SPATA22: variants seen among roughly 807,000 people sequenced by gnomAD.
SPATA22 encodes spermatogenesis associated 22.
Under a neutral mutation model 47.8 loss-of-function variants are expected in SPATA22, and 29 were observed. The ratio of observed to expected loss-of-function variants is 0.61; its 90% CI spans 0.45 to 0.83. The LOEUF is 0.83. SPATA22 is among the 40% of genes least tolerant of loss of function. The probability of loss-of-function intolerance (pLI) is 0.00; values close to 1 mark genes in which losing one functional copy is unlikely to be tolerated. For missense variants in SPATA22, 410 were observed against 421.7 expected, an observed-to-expected ratio of 0.97 and a Z score of 0.24; for synonymous variants, 133 against 140.9, an observed-to-expected ratio of 0.94 and a Z score of 0.40.
chr17:3,505,755 TG>T (rs1245538315), intron 1 of SPATA22, among the ~76,000 whole-genome samples: 23 of 25,156 alleles, frequency 9.1e-4, no homozygotes, highest in Admixed American at 5.4e-3. Flanking sequence ...TGTTGTTTTT[TG>T]TTTTTTTTTT....
Position 3,490,881 on chromosome 17 carries a change from T to C in SPATA22, c.-73-21483A>G, listed in dbSNP as rs2073813140. Among the ~76,000 whole-genome samples the C allele has an allele frequency of 6.6e-6, 1 of 152,184 alleles. No individual in the cohort carries two copies. The highest frequency in any genetic ancestry group is 1.5e-5 in the Non-Finnish European group (1 of 68,022). On this transcript the variant is annotated intron_variant, in intron 1 of 8. Coordinates refer to the SPATA22 transcript ENST00000541913. The surrounding 1 kb of genome is among the most constrained non-coding windows in gnomAD (Gnocchi z 4.6). Reference sequence around the variant, plus strand: ...CCACCCCTTAACCCCTTATCTCTGCTTCAACCAGAGCTCTTCTGTGTAACA... The same window carrying C: ...CCACCCCTTAACCCCTTATCTCTGCCTCAACCAGAGCTCTTCTGTGTAACA...
chr17:3,445,495 C>A (rs1237555552), intron 7 of SPATA22, among the ~76,000 whole-genome samples: 1 of 152,134 alleles, frequency 6.6e-6, no homozygotes, highest in Non-Finnish European at 1.5e-5. Context: ...TTGATTTTAG[C>A]ACTGTGATAC....
intron 1 of SPATA22, among the ~76,000 whole-genome samples, chr17:3,487,737 T>C (rs1015639299): frequency 1.3e-5 from 2 of 152,224 alleles, no homozygotes; most frequent in Admixed American, 6.5e-5. Flanking sequence ...ACTTAAACTA[T>C]TCAACATTTA....
At chr17:3,510,776 T>G (rs530906089) in intron 1 of SPATA22, 1 of 152,300 alleles carries the variant, frequency 6.6e-6, no homozygotes, top group African/African-American at 2.4e-5. Context: ...TGACGGCCCA[T>G]CTACCTGGGC....
Position 3,440,302 on chromosome 17 carries a change from G to A in SPATA22, c.937C>T (p.His313Tyr). 6.3e-7 allele frequency: 1 copy of A among 1,598,580 alleles called. No homozygotes were observed. The highest frequency in any genetic ancestry group is 1.7e-5 in the Admixed American group (1 of 58,262). The change falls in exon 9 of 9, where the codon CAT becomes TAT. Residue 313 changes from histidine to tyrosine, a missense_variant. Transcript: ENST00000572969. Reference protein sequence around the residue: ...ELPRLIRGRVHRCVGNYDQKK... With the variant: ...ELPRLIRGRVYRCVGNYDQKK... Reference sequence around the variant, plus strand: ...TGGTCATAGTTGCCAACACATCTATGAACTCGGCCTCTAATCAGTCTCGGA... The same window carrying A: ...TGGTCATAGTTGCCAACACATCTATAAACTCGGCCTCTAATCAGTCTCGGA...
chr17:3,440,434 T>A (rs745569357), intron 8 of SPATA22, 96 bp from the exon 9 acceptor site: 33 of 1,027,190 alleles, frequency 3.2e-5, no homozygotes, highest in Non-Finnish European at 4.4e-5. Flanking sequence ...ATGTGCCACC[T>A]CAAAATGCTA....
chr17:3,462,034 C>T (rs1003817394), intron 5 of SPATA22, among the ~76,000 whole-genome samples: 1 of 152,186 alleles, frequency 6.6e-6, no homozygotes, highest in African/African-American at 2.4e-5. Flanking sequence ...ATATGCATCA[C>T]AGCCTCCATT....
At chr17:3,471,618 G>C (rs1597416723) in intron 1 of SPATA22, 64 bp downstream of exon 1, 2 of 985,510 alleles carry the variant, frequency 2.0e-6, no homozygotes. Context: ...TCCGAGTTGA[G>C]ACGCTCTTCC....
intron 7 of SPATA22, among the ~76,000 whole-genome samples, chr17:3,443,676 A>G (rs2072647863): frequency 6.6e-6 from 1 of 152,028 alleles, no homozygotes; most frequent in South Asian, 2.1e-4. Context: ...GGAGACATGC[A>G]TTCAGGTCCC....
In SPATA22 at chr17:3,449,052, T is replaced by G; in HGVS notation, c.427A>C (p.Lys143Gln). ...CCCGAACTCACTGGACAAGAATTTT[T>G]TCCATCATTTGCCACTAAGTTTGTT... ...KRTNLVANDG[K>Q]NSCPVSSGAQ... Residue 143 changes from lysine to glutamine, a missense_variant, in exon 6 of 9, where the codon AAA becomes CAA. By Grantham distance (53) the Lys-to-Gln change is moderately conservative. Transcript: ENST00000572969. 1 of 1,614,030 alleles carries G rather than the reference T, an allele frequency of 6.2e-7. No individual in the cohort carries two copies. The highest frequency in any genetic ancestry group is 1.7e-4 in the Middle Eastern group (1 of 6,060).
chr17:3,452,390 G>A (rs572328637), intron 5 of SPATA22, among the ~76,000 whole-genome samples: 2 of 151,438 alleles, frequency 1.3e-5, no homozygotes, highest in African/African-American at 2.4e-5. Context: ...CCAAGAGATC[G>A]AGACCATCCT....
At chr17:3,443,481 G>C (rs1254054529) in intron 7 of SPATA22, among the ~76,000 whole-genome samples, 2 of 151,864 alleles carry the variant, frequency 1.3e-5, no homozygotes, top group African/African-American at 4.8e-5. Context: ...TCCAACTTAG[G>C]AACAGATTAT....
At position 3,467,417 on chromosome 17, in the gene SPATA22, T is replaced by C. The variant is rs1370771332; in HGVS notation, c.172+9A>G. ...TTCCTGAAAATTTTTACCTTATTAA[T>C]TTTCTTACCTGTAGGTAGAGGAGGA... On this transcript the variant is annotated intron_variant, in intron 3 of 8. Transcript: ENST00000572969. 1 of 1,574,428 alleles carries C rather than the reference T, an allele frequency of 6.4e-7. No individual in the cohort carries two copies. The highest frequency in any genetic ancestry group is 1.9e-5 in the Admixed American group (1 of 52,462).
At chr17:3,458,732 T>G (rs955448984) in intron 5 of SPATA22, among the ~76,000 whole-genome samples, 29 of 151,490 alleles carry the variant, frequency 1.9e-4, no homozygotes, top group Admixed American at 1.9e-3. Flanking sequence ...TCCCAGTTAC[T>G]CGAGAGGCTG....
chr17:3,504,848 C>T (rs34755393), intron 1 of SPATA22, among the ~76,000 whole-genome samples: 137,250 of 152,104 alleles, frequency 0.9, 62,792 homozygotes, highest in Non-Finnish European at 0.98. Flanking sequence ...CAGGAGCCGC[C>T]GCACCAGGCT....
At chr17:3,496,811 A>C (rs1404559539) in intron 1 of SPATA22, among the ~76,000 whole-genome samples, 1 of 152,222 alleles carries the variant, frequency 6.6e-6, no homozygotes, top group East Asian at 1.9e-4. Context: ...TCACGCCTGT[A>C]ATCCCAGCGC....
chr17:3,471,695 T>G lies in SPATA22; in HGVS notation c.-87A>C, dbSNP rs2073440568. 1.0e-6 allele frequency: 1 copy of G among 985,410 alleles called. No homozygotes were observed. The allele number at this position is 985,410 out of a possible 1,614,324, so 61.0% of individuals were successfully genotyped here. ...GTATCAACGCACAGTCTTTCCCTTCTAGGCCCTCCTGCCAACACGACACAC... is the reference window on the plus strand; with the variant it reads ...GTATCAACGCACAGTCTTTCCCTTCGAGGCCCTCCTGCCAACACGACACAC... On this transcript the variant is annotated 5_prime_UTR_variant, in exon 1 of 9. Transcript: ENST00000572969.
intron 3 of SPATA22, among the ~76,000 whole-genome samples, chr17:3,464,821 C>T (rs1474461789): frequency 2.2e-5 from 3 of 136,076 alleles, no homozygotes; most frequent in African/African-American, 8.0e-5. Flanking sequence ...CCCCTCCGCC[C>T]GGCAGCCACC....
intron 7 of SPATA22, among the ~76,000 whole-genome samples, chr17:3,445,808 C>CATAT (rs374988999): frequency 6.6e-6 from 1 of 151,398 alleles, no homozygotes; most frequent in Admixed American, 6.6e-5. Flanking sequence ...TTTATATTTA[C>CATAT]ATATATATAT....
Sources: allele counts gnomAD v4.1 joint callset (sites outside exome capture counted in the v4.1 genomes callset), GRCh38; gene constraint gnomAD v4.1.1; non-coding constraint Gnocchi (gnomAD v3.1); transcripts MANE v1.5; gene names NCBI Gene and HGNC (gene_info 2026-07-23, HGNC 2026-07-21).